The following PDHX variants were observed in gnomAD, a reference collection of about 807,000 sequenced individuals.
PDHX encodes pyruvate dehydrogenase protein X component, mitochondrial.
A neutral mutation model predicts 55.3 loss-of-function variants in PDHX; 33 were observed. That is an observed-to-expected ratio of 0.60 (90% CI 0.45 to 0.80). The LOEUF is 0.80. Among genes scored for constraint, PDHX ranks in the 30% least tolerant of loss-of-function variants. PDHX has a pLI of 0.00. For missense variants in PDHX, 622 were observed against 619.9 expected (o/e 1.00, Z -0.04); for synonymous variants, 226 against 219.4 (o/e 1.03, Z -0.27).
intron 2 of PDHX, among the ~76,000 whole-genome samples, chr11:34,933,811 C>T (rs945304800): frequency 6.6e-6 from 1 of 152,000 alleles, no homozygotes; most frequent in Non-Finnish European, 1.5e-5. Flanking sequence ...TTAAAGGACT[C>T]AGGAGCCAGA....
At chr11:34,947,450 A>G in intron 2 of PDHX, 56 bp from the exon 3 acceptor site, 1 of 1,110,472 alleles carries the variant, frequency 9.0e-7, no homozygotes, top group Non-Finnish European at 1.4e-6. Flanking sequence ...ACGTACATAT[A>G]TACATAGTAA....
chr11:34,989,379 G>GA (rs144454661), intron 9 of PDHX, among the ~76,000 whole-genome samples: 7,153 of 151,984 alleles, frequency 0.047, 539 homozygotes, highest in African/African-American at 0.16. Flanking sequence ...GCAACTGGGA[G>GA]AAAAAAAGGG....
intron 2 of PDHX, chr11:34,941,882 TG>T: frequency 6.5e-6 from 1 of 154,472 alleles, no homozygotes; most frequent in South Asian, 2.0e-4. Context: ...GCCTCTGCTC[TG>T]GCCCCTCCTG....
At chr11:34,960,270 A>C (rs1854995082) in intron 4 of PDHX, 150 bp from the exon 5 acceptor site, 1 of 588,534 alleles carries the variant, frequency 1.7e-6, no homozygotes, top group Non-Finnish European at 3.1e-6. Flanking sequence ...AAATTGGTAC[A>C]GATTATTTGA....
intron 7 of PDHX, among the ~76,000 whole-genome samples, chr11:34,970,488 CA>C (rs1437827000): frequency 6.6e-6 from 1 of 152,130 alleles, no homozygotes; most frequent in African/African-American, 2.4e-5. Context: ...ATTGGTTCCA[CA>C]GTATTAAATA....
At chr11:34,975,644 C>A (rs1382702829) in intron 7 of PDHX, among the ~76,000 whole-genome samples, 3 of 152,110 alleles carry the variant, frequency 2.0e-5, no homozygotes, top group African/African-American at 7.2e-5. Context: ...CCATACTCTG[C>A]CCTCTTTACT....
intron 8 of PDHX, among the ~76,000 whole-genome samples, chr11:34,980,204 C>T (rs1395704768): frequency 6.6e-6 from 1 of 151,298 alleles, no homozygotes; most frequent in Admixed American, 6.6e-5. Context: ...TTATTCTGAC[C>T]TCTATCTCAC....
intron 3 of PDHX, among the ~76,000 whole-genome samples, chr11:34,956,435 A>G (rs1310512039): frequency 1.3e-5 from 2 of 152,108 alleles, no homozygotes; most frequent in Non-Finnish European, 2.9e-5. Flanking sequence ...CTATCATTCT[A>G]TTGTTCATTA....
intron 3 of PDHX, among the ~76,000 whole-genome samples, chr11:34,951,049 CTTTTTT>C (rs1179399887): frequency 1.1e-5 from 1 of 88,596 alleles, no homozygotes. Flanking sequence ...TGTTTCCTGA[CTTTTTT>C]TTTTTTTTTT....
At chr11:34,921,171 A>G (rs1853869761) in intron 1 of PDHX, among the ~76,000 whole-genome samples, 2 of 152,236 alleles carry the variant, frequency 1.3e-5, no homozygotes, top group Admixed American at 1.3e-4. Context: ...AGGATAGAAC[A>G]TCACTTATAA....
At chr11:34,984,430 AT>A in intron 8 of PDHX, 139 bp from the exon 9 acceptor site, 1 of 700,786 alleles carries the variant, frequency 1.4e-6, no homozygotes, top group Non-Finnish European at 2.4e-6. Flanking sequence ...ACTCCATACC[AT>A]TTTTTCAAAC....
intron 5 of PDHX, 73 bp downstream of exon 5, chr11:34,960,591 A>G: frequency 1.1e-6 from 1 of 919,016 alleles, no homozygotes; most frequent in Non-Finnish European, 1.8e-6. Context: ...GAAAATAAAA[A>G]GAGCTTATTC....
Position 34,957,590 on chromosome 11 carries a change from A to T in PDHX, c.542+7A>T. 8.1e-6 allele frequency: 13 copies of T among 1,602,420 alleles called. No homozygotes were observed. Among genetic ancestry groups the T allele is most frequent in the Non-Finnish European group, 1.1e-5 (13 of 1,169,458 alleles). ...ACATACCCGGGACACTACGGTGAGT[A>T]TATATTTATTCAAAGGATGATGTAA... is the stretch of plus-strand genomic sequence containing the variant. On this transcript the variant is annotated splice_region_variant and intron_variant, in intron 4 of 10. Transcript: ENST00000227868.
chr11:34,950,156 T>G (rs1187711699), intron 3 of PDHX, among the ~76,000 whole-genome samples: 1 of 151,930 alleles, frequency 6.6e-6, no homozygotes, highest in Non-Finnish European at 1.5e-5. Context: ...TTCATTAAGT[T>G]GCCCACAATC....
At chr11:34,937,299 T>C (rs535508523) in intron 2 of PDHX, among the ~76,000 whole-genome samples, 204 of 145,822 alleles carry the variant, frequency 1.4e-3, no homozygotes, top group Non-Finnish European at 2.3e-3. Flanking sequence ...TCGGATATAA[T>C]ATTATAAGTA....
intron 7 of PDHX, among the ~76,000 whole-genome samples, chr11:34,975,198 A>G (rs1031151013): frequency 2.0e-5 from 3 of 151,748 alleles, no homozygotes; most frequent in Non-Finnish European, 1.5e-5. Context: ...TTTTTGCATT[A>G]CCAATTTGGC....
At chr11:34,921,433 T>G (rs531314324) in intron 1 of PDHX, among the ~76,000 whole-genome samples, 5 of 67,090 alleles carry the variant, frequency 7.5e-5, no homozygotes, top group African/African-American at 3.0e-4. Flanking sequence ...TTCAAATTCC[T>G]TGAATAGAGA....
At chr11:34,964,561 G>A (rs989802640) in intron 5 of PDHX, among the ~76,000 whole-genome samples, 7 of 151,918 alleles carry the variant, frequency 4.6e-5, no homozygotes, top group Non-Finnish European at 1.0e-4. Context: ...CTGAGATCGC[G>A]CCACTGCACT....
intron 3 of PDHX, among the ~76,000 whole-genome samples, chr11:34,953,044 A>G (rs1854814786): frequency 6.6e-6 from 1 of 152,086 alleles, no homozygotes. Flanking sequence ...TTATACACCA[A>G]TAACAGACAA....
Sources: allele counts gnomAD v4.1 joint callset (sites outside exome capture counted in the v4.1 genomes callset), GRCh38; gene constraint gnomAD v4.1.1; transcripts MANE v1.5; gene names NCBI Gene and HGNC (gene_info 2026-07-23, HGNC 2026-07-21).